Variants in BMAL2 observed in about 807,000 individuals in gnomAD.
The protein encoded by BMAL2 is basic helix-loop-helix ARNT like 2, also known as basic helix-loop-helix ARNT-like protein 2.
At chr12:27,418,114 A>C in the BMAL2 span, 1 of 1,613,116 alleles carries the variant, frequency 6.2e-7, no homozygotes, top group Non-Finnish European at 8.5e-7. Flanking sequence ...TGTTTCCACC[A>C]AGTCCTTCTG....
the BMAL2 span, chr12:27,380,401 A>G: frequency 1.9e-6 from 3 of 1,614,072 alleles, no homozygotes; most frequent in Admixed American, 5.0e-5. Context: ...GAGATCTTTA[A>G]AAGGTGAGTT....
chr12:27,409,159 G>A, the BMAL2 span, among the ~76,000 whole-genome samples: 2 of 152,098 alleles, frequency 1.3e-5, no homozygotes, highest in East Asian at 3.9e-4. Flanking sequence ...CATGAAAATG[G>A]CCATACTGCC....
chr12:27,338,837 C>G, the BMAL2 span, among the ~76,000 whole-genome samples: 1 of 152,194 alleles, frequency 6.6e-6, no homozygotes, highest in African/African-American at 2.4e-5. Flanking sequence ...AGCCGGAAAG[C>G]TCACTGATTC....
At chr12:27,403,759 G>T in the BMAL2 span, among the ~76,000 whole-genome samples, 1 of 151,882 alleles carries the variant, frequency 6.6e-6, no homozygotes, top group African/African-American at 2.4e-5. Flanking sequence ...TATATAAAAA[G>T]ATAACTCATA....
At chr12:27,360,078 A>G in the BMAL2 span, among the ~76,000 whole-genome samples, 2 of 149,684 alleles carry the variant, frequency 1.3e-5, no homozygotes, top group East Asian at 2.0e-4. Context: ...AAAAAGTACT[A>G]GCAGCAGTAA....
the BMAL2 span, chr12:27,387,357 A>AAAC: frequency 7.2e-7 from 1 of 1,397,004 alleles, no homozygotes; most frequent in Non-Finnish European, 1.0e-6. Flanking sequence ...TACAATGTTT[A>AAAC]ATTTTTTGAA....
At chr12:27,367,213 C>G in the BMAL2 span, among the ~76,000 whole-genome samples, 2 of 152,036 alleles carry the variant, frequency 1.3e-5, no homozygotes, top group Non-Finnish European at 2.9e-5. Flanking sequence ...TGTGGTACTG[C>G]AACAGTGGAT....
the BMAL2 span, chr12:27,380,511 T>C: frequency 8.2e-7 from 1 of 1,226,144 alleles, no homozygotes; most frequent in Non-Finnish European, 1.2e-6. Flanking sequence ...TATCCAGATG[T>C]GTCTTTCAGC....
chr12:27,361,578 T>G, the BMAL2 span, among the ~76,000 whole-genome samples: 1 of 152,188 alleles, frequency 6.6e-6, no homozygotes, highest in Admixed American at 6.5e-5. Context: ...GAGCTGAACT[T>G]CAATTCCTAA....
chr12:27,368,204 G>A, the BMAL2 span: 1 of 1,591,626 alleles, frequency 6.3e-7, no homozygotes, highest in Non-Finnish European at 8.6e-7. Context: ...ATATGGATAT[G>A]TACAAAGTAA....
chr12:27,346,812 A>T, the BMAL2 span, among the ~76,000 whole-genome samples: 3 of 152,144 alleles, frequency 2.0e-5, no homozygotes, highest in African/African-American at 7.2e-5. Flanking sequence ...TTTGATCTCC[A>T]GTGTTGAAGG....
the BMAL2 span, chr12:27,387,278 C>T: frequency 6.2e-7 from 1 of 1,612,420 alleles, no homozygotes. Context: ...GAAAAATTCT[C>T]TTCGTTTCTA....
the BMAL2 span, among the ~76,000 whole-genome samples, chr12:27,379,033 T>TA: frequency 5.9e-4 from 86 of 146,110 alleles, no homozygotes; most frequent in Middle Eastern, 3.5e-3. Flanking sequence ...GCTAGTGAGC[T>TA]AAAAAAAAAA....
the BMAL2 span, among the ~76,000 whole-genome samples, chr12:27,358,459 A>G: frequency 1.2e-4 from 18 of 152,192 alleles, no homozygotes; most frequent in African/African-American, 4.3e-4. Context: ...GTAAACTAGT[A>G]CAACCACTAT....
the BMAL2 span, among the ~76,000 whole-genome samples, chr12:27,363,657 T>A: frequency 6.6e-6 from 1 of 152,156 alleles, no homozygotes; most frequent in East Asian, 1.9e-4. Context: ...CTATTGAGAG[T>A]CATTGGTCTT....
the BMAL2 span, chr12:27,401,705 A>G: frequency 6.8e-7 from 1 of 1,470,748 alleles, no homozygotes; most frequent in Admixed American, 2.1e-5. Flanking sequence ...AGACCTTTAT[A>G]TTGATTTCAA....
the BMAL2 span, chr12:27,418,174 C>T: frequency 1.2e-6 from 2 of 1,612,368 alleles, no homozygotes; most frequent in Non-Finnish European, 1.7e-6. Flanking sequence ...CTGTTGCTGT[C>T]CACAGCCATG....
At chr12:27,333,090 G>A in the BMAL2 span, 1 of 1,205,838 alleles carries the variant, frequency 8.3e-7, no homozygotes, top group Non-Finnish European at 1.0e-6. Context: ...CGGAAGAGGA[G>A]GCTGCGGCGG....
chr12:27,415,840 A>G, the BMAL2 span: 1 of 1,483,282 alleles, frequency 6.7e-7, no homozygotes, highest in Non-Finnish European at 9.3e-7. Context: ...ATGTAAAATT[A>G]AAAATGTTTT....
Sources: allele counts gnomAD v4.1 joint callset (sites outside exome capture counted in the v4.1 genomes callset), GRCh38; gene constraint gnomAD v4.1.1; transcripts MANE v1.5; gene names NCBI Gene and HGNC (gene_info 2026-07-23, HGNC 2026-07-21).